Variants in EPHA6 observed in about 807,000 individuals in gnomAD.
The protein encoded by EPHA6 is ephrin type-A receptor 6.
In EPHA6, 50 loss-of-function variants were observed where a neutral mutation model predicts 112.0. The observed-to-expected ratio is 0.45, with a 90% CI of 0.36 to 0.56. The LOEUF (loss-of-function observed/expected upper bound fraction) is 0.56, where lower values mean the gene tolerates loss of function less well. EPHA6 is among the 20% of genes least tolerant of loss of function. EPHA6 has a pLI of 0.00. For missense variants in EPHA6, 1,280 were observed against 1,417.4 expected (o/e 0.90, Z 1.56); for synonymous variants, 529 against 490.7 (o/e 1.08, Z -1.03).
chr3:97,742,758 A>G (rs1253862206), intron 16 of EPHA6, among the ~76,000 whole-genome samples: 1 of 152,154 alleles, frequency 6.6e-6, no homozygotes, highest in Non-Finnish European at 1.5e-5. Context: ...TTAAATATCA[A>G]AATTATTTCA....
chr3:96,859,122 C>CAT lies in EPHA6; in HGVS notation c.386-7703_386-7702insAT, dbSNP rs1559778814. Among the ~76,000 whole-genome samples the CAT allele has an allele frequency of 6.6e-5, 10 of 151,396 alleles. No homozygotes were observed. The East Asian group carries it at 1.8e-3, about 27-fold the overall frequency. On this transcript the variant is annotated intron_variant, in intron 1 of 17. Transcript: ENST00000389672. Reference sequence around the variant, plus strand: ...CTTGCTCATGATCCCTTTTGATTACCTCATTCATTCATTTTCTTCAACAGA... The same window carrying CAT: ...CTTGCTCATGATCCCTTTTGATTACCATTCATTCATTCATTTTCTTCAACAGA...
intron 1 of EPHA6, among the ~76,000 whole-genome samples, chr3:96,862,553 T>C (rs938369088): frequency 3.3e-5 from 5 of 151,954 alleles, no homozygotes; most frequent in Non-Finnish European, 7.4e-5. Flanking sequence ...CCTAAAAGAA[T>C]AGCTACTTTC....
At chr3:97,243,521 G>A (rs1327220853) in intron 4 of EPHA6, among the ~76,000 whole-genome samples, 1 of 151,678 alleles carries the variant, frequency 6.6e-6, no homozygotes, top group African/African-American at 2.4e-5. Flanking sequence ...ATTATAGTAT[G>A]AAGACTGAAA....
chr3:96,873,958 A>G (rs940470586), intron 2 of EPHA6, among the ~76,000 whole-genome samples: 1 of 152,130 alleles, frequency 6.6e-6, no homozygotes. Context: ...TTATATATGA[A>G]AAAACTGGAC....
At position 96,832,147 on chromosome 3, in the gene EPHA6, G is replaced by A. The variant is rs150206099; in HGVS notation, c.385+17139G>A. ...GGGTAATGGATGGCCAAAACTCAGC[G>A]TATATCTAATCACTTCACTGCTCAT... On this transcript the variant is annotated intron_variant, in intron 1 of 17. Transcript: ENST00000389672. Among the ~76,000 whole-genome samples the A allele has an allele frequency of 1.7e-3, 264 of 152,144 alleles. 1 individual carries two copies. Among genetic ancestry groups the A allele is most frequent in the African/African-American group, 5.2e-3 (215 of 41,530 alleles).
chr3:97,501,218 A>G (rs2092107879), intron 10 of EPHA6, among the ~76,000 whole-genome samples: 1 of 152,180 alleles, frequency 6.6e-6, no homozygotes, highest in South Asian at 2.1e-4. Context: ...AAATTGAGTA[A>G]AGCTGGAGGA....
chr3:97,503,785 G>T (rs2092181541), intron 10 of EPHA6, among the ~76,000 whole-genome samples: 1 of 151,760 alleles, frequency 6.6e-6, no homozygotes, highest in Non-Finnish European at 1.5e-5. Flanking sequence ...TGTCCTTTTA[G>T]GAAATACTTA....
intron 3 of EPHA6, among the ~76,000 whole-genome samples, chr3:97,223,766 T>G (rs1392357223): frequency 6.6e-6 from 1 of 152,200 alleles, no homozygotes; most frequent in Non-Finnish European, 1.5e-5. Context: ...AGGGAGTATC[T>G]TCATCTGATG....
chr3:96,884,935 G>A (rs188191456), intron 2 of EPHA6, among the ~76,000 whole-genome samples: 1 of 152,106 alleles, frequency 6.6e-6, no homozygotes, highest in Non-Finnish European at 1.5e-5. Context: ...AATCATAAAG[G>A]GATGCTGGAT....
chr3:97,576,928 C>T (rs537037554), intron 11 of EPHA6, among the ~76,000 whole-genome samples: 5 of 152,124 alleles, frequency 3.3e-5, no homozygotes, highest in African/African-American at 2.4e-5. Context: ...GTTGTGATAG[C>T]AAAAGTGTGG....
rs115152261 is a variant in EPHA6, at chr3:97,405,090, G to A, written c.1607-60G>A. The A allele has an allele frequency of 1.8e-3, 2,655 of 1,515,364 alleles. 40 individuals carry two copies. The African/African-American group carries it at 0.035, about 20-fold the overall frequency. 93.9% of individuals were successfully genotyped at this position (1,515,364 alleles called of 1,614,324 possible). A position where few individuals can be genotyped will look rare whatever the true frequency, so the allele number is the denominator to read the frequency against. ...TTTCCTTGGAAGAGAAAATATTAAA[G>A]AAAGGATAATGGAAAATGATTCCTG... On this transcript the variant is annotated intron_variant, in intron 5 of 17. Transcript: ENST00000389672.
intron 9 of EPHA6, among the ~76,000 whole-genome samples, chr3:97,482,727 G>A (rs1276064466): frequency 6.6e-6 from 1 of 152,084 alleles, no homozygotes; most frequent in African/African-American, 2.4e-5. Flanking sequence ...TGCAAGGAGA[G>A]TCAAACAACA....
At chr3:97,046,433 G>A (rs2045509416) in intron 3 of EPHA6, among the ~76,000 whole-genome samples, 1 of 152,026 alleles carries the variant, frequency 6.6e-6, no homozygotes, top group African/African-American at 2.4e-5. Flanking sequence ...AACAGTAAAG[G>A]ATATATTCAA....
At chr3:96,980,846 G>C (rs112765574) in intron 2 of EPHA6, among the ~76,000 whole-genome samples, 26,266 of 151,916 alleles carry the variant, frequency 0.17, 3,970 homozygotes, top group African/African-American at 0.41. Context: ...ATTTGGCTCT[G>C]TGTTTTTCTG....
chr3:97,416,573 A>G (rs967062307), intron 6 of EPHA6, among the ~76,000 whole-genome samples: 4 of 152,224 alleles, frequency 2.6e-5, no homozygotes, highest in African/African-American at 7.2e-5. Flanking sequence ...TGGCTTGAAT[A>G]TAGTAAGGAA....
chr3:96,986,667 A>G (rs970625442), intron 2 of EPHA6, among the ~76,000 whole-genome samples: 1 of 151,976 alleles, frequency 6.6e-6, no homozygotes, highest in African/African-American at 2.4e-5. Flanking sequence ...CTACTTTTTA[A>G]TTGTCTCTCT....
chr3:97,700,788 A>G (rs569441245), intron 14 of EPHA6, among the ~76,000 whole-genome samples: 20 of 152,352 alleles, frequency 1.3e-4, no homozygotes, highest in Middle Eastern at 3.4e-3. Flanking sequence ...TCTGCATATT[A>G]TAATCTAATC....
chr3:97,304,839 C>A (rs2081248335), intron 5 of EPHA6, among the ~76,000 whole-genome samples: 1 of 151,972 alleles, frequency 6.6e-6, no homozygotes, highest in African/African-American at 2.4e-5. Flanking sequence ...GCAAAGATTT[C>A]ATGACAGAAA....
intron 3 of EPHA6, among the ~76,000 whole-genome samples, chr3:97,157,443 C>T (rs959061312): frequency 2.6e-5 from 4 of 152,070 alleles, no homozygotes; most frequent in African/African-American, 9.7e-5. Flanking sequence ...TAGCAGTACA[C>T]ATAAATATTC....
Sources: gnomAD v4.1 joint callset for allele counts (sites outside exome capture counted in the v4.1 genomes callset) on GRCh38, gnomAD v4.1.1 for gene constraint, MANE v1.5 for transcripts, NCBI Gene and HGNC (gene_info 2026-07-23, HGNC 2026-07-21) for gene names.